The following TENM2 variants were observed in gnomAD, a reference collection of about 807,000 sequenced individuals.
TENM2 encodes the protein teneurin transmembrane protein 2, also known as teneurin-2.
In TENM2, 52 loss-of-function variants were observed where a neutral mutation model predicts 245.2. The ratio of observed to expected loss-of-function variants is 0.21; its 90% CI spans 0.17 to 0.27. The LOEUF is 0.27. Ranked by LOEUF, TENM2 falls within the 10% of genes least tolerant of loss-of-function variation. TENM2 has a pLI of 1.00. For synonymous variants in TENM2, 1,363 were observed against 1,438.9 expected, an observed-to-expected ratio of 0.95 and a Z score of 1.19; for missense variants, 3,046 against 3,666.8, an observed-to-expected ratio of 0.83 and a Z score of 4.37.
chr5:167,199,092 T>C, the TENM2 span, among the ~76,000 whole-genome samples: 1 of 120,256 alleles, frequency 8.3e-6, no homozygotes, highest in Non-Finnish European at 1.6e-5. Context: ...CTAGCTGATA[T>C]GAAGTAAAAA....
At chr5:167,995,077 C>T (rs771813481) in intron 5 of TENM2, among the ~76,000 whole-genome samples, 7 of 152,182 alleles carry the variant, frequency 4.6e-5, no homozygotes, top group Admixed American at 2.6e-4. Flanking sequence ...CACCACGGGG[C>T]CAGTGAGCAC....
In TENM2 at chr5:167,528,801, A is replaced by G. The variant is rs77517057; in HGVS notation, c.502+153328A>G. On this transcript the variant is annotated intron_variant, in intron 2 of 28. Transcript: ENST00000518659. ...GTTGAACTCAATGAAATGAATTCCC[A>G]TAACCTCTTCACATCCTTGTCTCTC... is the stretch of plus-strand genomic sequence containing the variant. 4.6e-5 allele frequency among the ~76,000 whole-genome samples: 7 copies of G among 152,148 alleles called. No homozygotes were observed. In the East Asian group the frequency reaches 9.6e-4, roughly 21 times the overall value.
chr5:167,303,606 AACCAGCCATC>A (rs1755490747), intron 1 of TENM2, among the ~76,000 whole-genome samples: 1 of 152,134 alleles, frequency 6.6e-6, no homozygotes, highest in Non-Finnish European at 1.5e-5. Flanking sequence ...TTAAGGCAGG[AACCAGCCATC>A]TGGATGTGTA....
chr5:167,911,830 T>A (rs768895429), intron 3 of TENM2, among the ~76,000 whole-genome samples: 1 of 152,186 alleles, frequency 6.6e-6, no homozygotes, highest in Admixed American at 6.5e-5. Context: ...CCATGAATAA[T>A]TGATTTTAAG....
At chr5:167,454,042 A>C (rs1765761771) in intron 2 of TENM2, among the ~76,000 whole-genome samples, 1 of 152,168 alleles carries the variant, frequency 6.6e-6, no homozygotes, top group African/African-American at 2.4e-5. Context: ...ATCACTTTTG[A>C]ATCATTCCAA....
At chr5:167,167,344 A>G in the TENM2 span, among the ~76,000 whole-genome samples, 1 of 152,194 alleles carries the variant, frequency 6.6e-6, no homozygotes, top group Non-Finnish European at 1.5e-5. Context: ...GCCCCAGGCC[A>G]TGCTCTGTGT....
intron 2 of TENM2, among the ~76,000 whole-genome samples, chr5:167,608,084 A>C (rs1278747943): frequency 6.6e-6 from 1 of 152,142 alleles, no homozygotes; most frequent in Non-Finnish European, 1.5e-5. Context: ...GGTGCCCAGA[A>C]GGTCATGCTA....
chr5:167,736,530 C>T (rs1313968366), intron 2 of TENM2, among the ~76,000 whole-genome samples: 1 of 152,046 alleles, frequency 6.6e-6, no homozygotes, highest in Non-Finnish European at 1.5e-5. Context: ...TCCTATATTG[C>T]TCACTTCTTT....
rs1761710510 is a variant in TENM2 at position 168,199,122 on chromosome 5, T to C, written c.3162+8T>C. The C allele has an allele frequency of 6.2e-7, 1 of 1,607,704 alleles. No homozygotes were observed. Among genetic ancestry groups the C allele is most frequent in the Non-Finnish European group, 8.5e-7 (1 of 1,174,930 alleles). Reference sequence around the variant, plus strand: ...ATCGTGCCTGAGACCCAGGTAGGAATGGCAGTGCCAGGGCGGGACTCTCAG... The same window carrying C: ...ATCGTGCCTGAGACCCAGGTAGGAACGGCAGTGCCAGGGCGGGACTCTCAG... On this transcript the variant is annotated splice_region_variant and intron_variant, in intron 16 of 28. Coordinates refer to ENST00000518659, the Ensembl canonical transcript of TENM2.
the TENM2 span, among the ~76,000 whole-genome samples, chr5:167,044,071 A>AGGAG: frequency 6.6e-6 from 1 of 151,904 alleles, no homozygotes; most frequent in East Asian, 1.9e-4. Flanking sequence ...GAAGGAAGGA[A>AGGAG]GGAAGGAAGG....
At chr5:168,262,798 G>A in exon 29 of TENM2, 1 of 1,599,922 alleles carries the variant, frequency 6.3e-7, no homozygotes, top group East Asian at 2.2e-5. Flanking sequence ...AGAATGAGAT[G>A]GGAAAGAGGT....
intron 3 of TENM2, among the ~76,000 whole-genome samples, chr5:167,928,969 G>A (rs1208209015): frequency 7.0e-6 from 1 of 143,632 alleles, no homozygotes; most frequent in Non-Finnish European, 1.5e-5. Context: ...AGAAATAAAG[G>A]GAGGAAGGAA....
At position 167,619,203 on chromosome 5, in the gene TENM2, T is replaced by C. The variant is rs551140004; in HGVS notation, c.502+243730T>C. ...TTGCAAGATAGTTCCATTTGTTTTCTCATCACTGTATAGGTCAATATTGTG... is the reference window on the plus strand; with the variant it reads ...TTGCAAGATAGTTCCATTTGTTTTCCCATCACTGTATAGGTCAATATTGTG... On this transcript the variant is annotated intron_variant, in intron 2 of 28. Transcript: ENST00000518659. 2.0e-5 allele frequency among the ~76,000 whole-genome samples: 3 copies of C among 152,268 alleles called. No individual in the cohort carries two copies. The South Asian group carries it at 6.2e-4, about 32-fold the overall frequency.
chr5:167,328,354 G>A (rs1274384185), intron 1 of TENM2, among the ~76,000 whole-genome samples: 2 of 151,668 alleles, frequency 1.3e-5, no homozygotes, highest in African/African-American at 2.4e-5. Flanking sequence ...CTACAGGCAC[G>A]CACCACCATG....
rs76581568 is a variant in TENM2, at chr5:167,783,913, G to A, written c.503-92073G>A. Among the ~76,000 whole-genome samples, 1,030 of 152,006 alleles carry A rather than the reference G, an allele frequency of 6.8e-3. 9 individuals are homozygous for A. Among genetic ancestry groups the A allele is most frequent in the Non-Finnish European group, 0.01 (710 of 67,974 alleles). On this transcript the variant is annotated intron_variant, in intron 2 of 28. Transcript: ENST00000518659. ...CCTTGGTCAAGCTTAGAGGTGCAGTGTACCCCAAATACTAATCTGGAATAT... is the reference window on the plus strand; with the variant it reads ...CCTTGGTCAAGCTTAGAGGTGCAGTATACCCCAAATACTAATCTGGAATAT...
chr5:167,971,772 G>C (rs778236917), intron 4 of TENM2, among the ~76,000 whole-genome samples: 3 of 152,202 alleles, frequency 2.0e-5, no homozygotes, highest in Non-Finnish European at 4.4e-5. Flanking sequence ...GATCATTTAA[G>C]TGAAGGGGTC....
intron 2 of TENM2, among the ~76,000 whole-genome samples, chr5:167,680,697 G>A (rs1582734446): frequency 6.6e-6 from 1 of 152,224 alleles, no homozygotes; most frequent in Non-Finnish European, 1.5e-5. Context: ...GCAAAGTACT[G>A]GACTGAACCC....
chr5:167,403,808 C>T (rs982680349), intron 2 of TENM2, among the ~76,000 whole-genome samples: 3 of 151,898 alleles, frequency 2.0e-5, no homozygotes, highest in African/African-American at 4.8e-5. Flanking sequence ...GGGAATAACA[C>T]AGAAAGTTGG....
chr5:167,472,709 G>GA lies in TENM2; in HGVS notation c.502+97244dup, dbSNP rs1350161810. The stretch of plus-strand genomic sequence containing the variant: ...TTATCTGAAGAAAAATTAAAAGTTA[G>GA]AAAAAAAACCTTCGTGCTAAACAGA... On this transcript the variant is annotated intron_variant, in intron 2 of 28. Transcript: ENST00000518659. Among the ~76,000 whole-genome samples, 3 of 151,826 alleles carry GA rather than the reference G, an allele frequency of 2.0e-5. No individual in the cohort carries two copies. The East Asian group carries it at 5.8e-4, about 29-fold the overall frequency.
Sources: gnomAD v4.1 joint callset for allele counts (sites outside exome capture counted in the v4.1 genomes callset) on GRCh38, gnomAD v4.1.1 for gene constraint, MANE v1.5 for transcripts, NCBI Gene and HGNC (gene_info 2026-07-23, HGNC 2026-07-21) for gene names.